The following PRSS36 variants were observed in gnomAD, a reference collection of about 807,000 sequenced individuals.
PRSS36 encodes the protein serine protease 36.
Under a neutral mutation model 94.3 loss-of-function variants are expected in PRSS36, and 90 were observed. That is an observed-to-expected ratio of 0.95 (90% confidence interval 0.80 to 1.14). PRSS36 has a LOEUF of 1.14. Ranked by LOEUF, PRSS36 falls within the 50% of genes most tolerant of loss-of-function variation. The probability of loss-of-function intolerance (pLI) is 0.00; values close to 1 mark genes in which losing one functional copy is unlikely to be tolerated. For synonymous variants in PRSS36, 500 were observed against 489.6 expected (o/e 1.02, Z -0.28); for missense variants, 1,158 against 1,135.0 (o/e 1.02, Z -0.29).
intron 12 of PRSS36, 67 bp from the exon 13 acceptor site, chr16:31,140,824 G>T: frequency 6.4e-7 from 1 of 1,552,406 alleles, no homozygotes; most frequent in Non-Finnish European, 8.8e-7. Context: ...TCCCAGCCCA[G>T]GGGAAGGATG....
chr16:31,143,814 G>GAGTCACCCCAGAGTCTGGGGA lies in PRSS36; in HGVS notation c.743_744insTCCCCAGACTCTGGGGTGACT (p.Val248_Cys249insProGlnThrLeuGlyTer), dbSNP rs2057756867. On this transcript the variant is annotated stop_gained and inframe_insertion, in exon 7 of 15. Coordinates refer to ENST00000268281, the MANE Select transcript of PRSS36 (RefSeq NM_173502.5). LOFTEE classifies it high-confidence loss of function. ...GGAACCAGCGGCCGCCTTCCTCACA[G>GAGTCACCCCAGAGTCTGGGGA]ACCAGGGGCCCCCCAGAGTCACCCT... 1 of 1,613,420 alleles carries GAGTCACCCCAGAGTCTGGGGA rather than the reference G, an allele frequency of 6.2e-7. No individual in the cohort carries two copies. The highest frequency in any genetic ancestry group is 1.7e-5 in the Admixed American group (1 of 60,006).
chr16:31,148,539 C>T lies in PRSS36; in HGVS notation c.409G>A (p.Gly137Ser). ...VPANYSQVEL[G>S]ADLALLRLAS... ...AGGCGCAGCAGGGCCAGGTCGGCGC[C>T]CAGCTCCACTTGGCTGTAGTTGGCC... The change falls in exon 5 of 15, where the codon GGC (glycine) becomes AGC (serine). Residue 137 changes from glycine (G) to serine (S), a missense_variant. By Grantham distance (56) the Gly-to-Ser change is moderately conservative (BLOSUM62 0). Transcript: ENST00000268281. 1 of 1,602,826 alleles carries T rather than the reference C, an allele frequency of 6.2e-7. No individual in the cohort carries two copies. Among genetic ancestry groups the T allele is most frequent in the African/African-American group, 1.3e-5 (1 of 74,790 alleles).
At position 31,149,676 on chromosome 16, in the gene PRSS36, C is replaced by A; in HGVS notation, c.73+20G>T. 1 of 1,614,148 alleles carries A rather than the reference C, an allele frequency of 6.2e-7. No homozygotes were observed. The highest frequency in any genetic ancestry group is 8.5e-7 in the Non-Finnish European group (1 of 1,179,994). On this transcript the variant is annotated intron_variant, in intron 2 of 14. Transcript: ENST00000268281. ...TTTTCTGCCTCTGCACGTGACTTTCCCCCAGTCCGGCTACCTTACCTGAGT... is the reference window on the plus strand; with the variant it reads ...TTTTCTGCCTCTGCACGTGACTTTCACCCAGTCCGGCTACCTTACCTGAGT...
At chr16:31,139,496 G>A (rs540376747) in intron 14 of PRSS36, 80 bp from the exon 15 acceptor site, 6 of 1,514,982 alleles carry the variant, frequency 4.0e-6, no homozygotes, top group East Asian at 4.5e-5. Context: ...GTCTGGCCAC[G>A]AAGCACTCTG....
rs562386986 is a variant in PRSS36 at position 31,143,200 on chromosome 16, C to A, written c.1100+142G>T. ...TACCCACCCCTGCCAGGCCAGGACC[C>A]CTCTTTTTGTGCTGGATCCTACACC... On this transcript the variant is annotated intron_variant, in intron 8 of 14. Transcript: ENST00000268281. 172 of 1,398,438 alleles carry A rather than the reference C, an allele frequency of 1.2e-4. No individual in the cohort carries two copies. In the East Asian group the frequency reaches 3.9e-3, roughly 32 times the overall value. The allele number at this position is 1,398,438 out of a possible 1,614,324, so 86.6% of individuals were successfully genotyped here.
At chr16:31,143,536 C>A in intron 7 of PRSS36, 52 bp downstream of exon 7, 1 of 1,609,120 alleles carries the variant, frequency 6.2e-7, no homozygotes, top group Non-Finnish European at 8.5e-7. Flanking sequence ...CAGTCTCCAT[C>A]CCAACTCACT....
At position 31,143,883 on chromosome 16, in the gene PRSS36, C is replaced by T. The variant is rs745991483; in HGVS notation, c.721-46G>A. On this transcript the variant is annotated intron_variant, in intron 6 of 14. Coordinates refer to ENST00000268281, the MANE Select transcript of PRSS36 (RefSeq NM_173502.5). Reference sequence around the variant, plus strand: ...GTCAAGGGGTCAGCCCAGGGACCTACTCGAAAAGGTCCTGCACCTCCTTTT... The same window carrying T: ...GTCAAGGGGTCAGCCCAGGGACCTATTCGAAAAGGTCCTGCACCTCCTTTT... The T allele has an allele frequency of 1.1e-5, 18 of 1,606,934 alleles. No homozygotes were observed. In the South Asian group the frequency reaches 1.6e-4, roughly 15 times the overall value.
intron 5 of PRSS36, 54 bp downstream of exon 5, chr16:31,148,341 C>G: frequency 6.8e-7 from 1 of 1,471,022 alleles, no homozygotes; most frequent in Non-Finnish European, 8.9e-7. Flanking sequence ...AGGAACCTCA[C>G]CTCTCGAAGC....
At chr16:31,146,089 C>T (rs896871033) in intron 5 of PRSS36, 134 bp from the exon 6 acceptor site, 3 of 718,454 alleles carry the variant, frequency 4.2e-6, no homozygotes, top group Non-Finnish European at 6.7e-6. Flanking sequence ...CCACCACATT[C>T]ACCACATCTC....
intron 6 of PRSS36, among the ~76,000 whole-genome samples, chr16:31,144,227 T>C (rs539474726): frequency 3.9e-5 from 6 of 152,220 alleles, no homozygotes; most frequent in South Asian, 2.1e-4. Flanking sequence ...CAGGCTGGAG[T>C]GCAGTGGTGC....
intron 1 of PRSS36, 53 bp downstream of exon 1, chr16:31,149,946 C>T (rs958872261): frequency 1.1e-5 from 17 of 1,602,312 alleles, no homozygotes; most frequent in Non-Finnish European, 1.4e-5. Flanking sequence ...TCTCCAGCCC[C>T]CCAGATGCCA....
At position 31,138,963 on chromosome 16, in the gene PRSS36, C is replaced by T; in HGVS notation, c.*175G>A. 1 of 658,306 alleles carries T rather than the reference C, an allele frequency of 1.5e-6. No individual in the cohort carries two copies. The highest frequency in any genetic ancestry group is 2.5e-6 in the Non-Finnish European group (1 of 400,420). The allele number at this position is 658,306 out of a possible 1,614,324, so 40.8% of individuals were successfully genotyped here. A position where few individuals can be genotyped will look rare whatever the true frequency, so the allele number is the denominator to read the frequency against. On this transcript the variant is annotated 3_prime_UTR_variant, in exon 15 of 15. Transcript: ENST00000268281. ...CTTTATTGTCCGCTCCTCCCACCAC[C>T]CCCAAGGATTCCTGGGTTCAAAATA...
chr16:31,140,527 C>A lies in PRSS36; in HGVS notation c.2132G>T (p.Cys711Phe), dbSNP rs751003062. ...GGGTTCTTTCCAGCCCAACACCCAG[C>A]AGCTGGCCCCCGGGGGGATACCCGC... ...HPAGIPPGAS[C>F]WVLGWKEPQD... The change falls in exon 13 of 15, where the codon TGC becomes TTC. Residue 711 changes from cysteine (C) to phenylalanine (F), a missense_variant. Cys to Phe is a radical substitution (Grantham distance 205). Coordinates refer to ENST00000268281, the MANE Select transcript of PRSS36 (RefSeq NM_173502.5). 4 of 1,577,264 alleles carry A rather than the reference C, an allele frequency of 2.5e-6. No homozygotes were observed. Among genetic ancestry groups the A allele is most frequent in the Admixed American group, 1.8e-5 (1 of 56,612 alleles).
In PRSS36 at chr16:31,139,140, A is replaced by G. The variant is rs1348220098; in HGVS notation, c.2566T>C (p.Ter856ArgextTer43). 2 of 1,550,002 alleles carry G rather than the reference A, an allele frequency of 1.3e-6. No individual in the cohort carries two copies. Among genetic ancestry groups the G allele is most frequent in the Admixed American group, 1.9e-5 (1 of 52,682 alleles). ...AGTGGTGCTGGGACCCTAGCCCCTCAGCTCTGGATCAGGAGAGTCAGCAGG... is the reference window on the plus strand; with the variant it reads ...AGTGGTGCTGGGACCCTAGCCCCTCGGCTCTGGATCAGGAGAGTCAGCAGG... ...LLLLTLLIQS[*>R] Residue 856 changes from the stop codon to arginine, a stop_lost, in exon 15 of 15, where the codon TGA (stop) becomes CGA (arginine). Transcript: ENST00000268281.
At position 31,149,736 on chromosome 16, in the gene PRSS36, A is replaced by C; in HGVS notation, c.38-5T>G. On this transcript the variant is annotated splice_region_variant and splice_polypyrimidine_tract_variant and intron_variant, in intron 1 of 14. Transcript: ENST00000268281. ...CTCCTGGGATGGGACTGATGACTGG[A>C]AAGACAGAGGTAGGCAGGAAGAGGC... The C allele has an allele frequency of 6.2e-7, 1 of 1,614,134 alleles. No homozygotes were observed.
intron 3 of PRSS36, 37 bp from the exon 4 acceptor site, chr16:31,149,272 G>A (rs1430280987): frequency 2.6e-6 from 4 of 1,527,164 alleles, no homozygotes; most frequent in Middle Eastern, 2.0e-4. Context: ...AGCTCCCCTC[G>A]GGTTCCCCAC....
rs763754451 is a variant in PRSS36 at position 31,142,852 on chromosome 16, CA to C, written c.1241del (p.Leu414ArgfsTer7). ...TCAGGTTCACGGGCGTGCGCAGCTG[CA>C]GCAGCGCCAGGTCCGAGGCGTTGTC... ...SWDNASDLAL[L>X]QLRTPVNLSA... On this transcript the variant is annotated frameshift_variant, in exon 9 of 15. Transcript: ENST00000268281. LOFTEE classifies it high-confidence loss of function. 1.0e-4 allele frequency: 157 copies of C among 1,556,554 alleles called. No individual in the cohort carries two copies. Among genetic ancestry groups the C allele is most frequent in the Non-Finnish European group, 1.3e-4 (152 of 1,155,452 alleles).
intron 6 of PRSS36, among the ~76,000 whole-genome samples, chr16:31,145,002 G>A (rs949941796): frequency 6.6e-6 from 1 of 152,064 alleles, no homozygotes; most frequent in African/African-American, 2.4e-5. Flanking sequence ...CAGGACAATC[G>A]CTTGAACCCG....
At position 31,149,189 on chromosome 16, in the gene PRSS36, G is replaced by C; in HGVS notation, c.156C>G (p.Asn52Lys). ...EPSARIVGGSNAQPGTWPWQV... is the reference protein window; with the variant it reads ...EPSARIVGGSKAQPGTWPWQV... ...GCCAAGGCCAGGTGCCCGGCTGCGCGTTTGAGCCCCCCACGATGCGGGCCG... is the reference window on the plus strand; with the variant it reads ...GCCAAGGCCAGGTGCCCGGCTGCGCCTTTGAGCCCCCCACGATGCGGGCCG... Residue 52 changes from asparagine to lysine, a missense_variant, in exon 4 of 15, where the codon AAC becomes AAG. Asn to Lys is a moderately conservative substitution (Grantham distance 94). Coordinates refer to ENST00000268281, the MANE Select transcript of PRSS36 (RefSeq NM_173502.5). 6.4e-7 allele frequency: 1 copy of C among 1,570,270 alleles called. No homozygotes were observed. The highest frequency in any genetic ancestry group is 8.6e-7 in the Non-Finnish European group (1 of 1,158,540).
Sources: allele counts gnomAD v4.1 joint callset (sites outside exome capture counted in the v4.1 genomes callset), GRCh38; gene constraint gnomAD v4.1.1; transcripts MANE v1.5; gene names NCBI Gene and HGNC (gene_info 2026-07-23, HGNC 2026-07-21).